Variants in DNAAF9 observed in about 807,000 individuals in gnomAD.
DNAAF9 encodes shulin.
DNAAF9 carries 90 observed loss-of-function variants against 167.0 expected under a neutral mutation model. That is an observed-to-expected ratio of 0.54 (90% CI 0.45 to 0.64). The LOEUF (loss-of-function observed/expected upper bound fraction) is 0.64, where lower values mean the gene tolerates loss of function less well. Ranked by LOEUF, DNAAF9 falls within the 30% of genes least tolerant of loss-of-function variation. The pLI, the probability that DNAAF9 is intolerant of heterozygous loss-of-function variation, is 0.00. For missense variants in DNAAF9, 1,315 were observed against 1,442.2 expected, an observed-to-expected ratio of 0.91 and a Z score of 1.43; for synonymous variants, 491 against 508.8, an observed-to-expected ratio of 0.96 and a Z score of 0.47.
At chr20:3,262,547 C>A (rs990405243) in intron 31 of DNAAF9, among the ~76,000 whole-genome samples, 2 of 152,166 alleles carry the variant, frequency 1.3e-5, no homozygotes, top group African/African-American at 4.8e-5. Context: ...CCACATCCGG[C>A]CAGATTCACA....
chr20:3,353,522 G>A (rs1600842901), intron 7 of DNAAF9, among the ~76,000 whole-genome samples: 1 of 151,984 alleles, frequency 6.6e-6, no homozygotes, highest in Admixed American at 6.6e-5. Flanking sequence ...CAGCCTCTAG[G>A]GAAGCTGAGG....
intron 1 of DNAAF9, among the ~76,000 whole-genome samples, chr20:3,385,031 A>G (rs1181925949): frequency 1.3e-5 from 2 of 152,142 alleles, no homozygotes; most frequent in Non-Finnish European, 2.9e-5. Flanking sequence ...AAACAGAAAA[A>G]AAGCCACTCA....
At chr20:3,357,451 G>A (rs906497249) in intron 7 of DNAAF9, among the ~76,000 whole-genome samples, 40 of 152,142 alleles carry the variant, frequency 2.6e-4, no homozygotes, top group African/African-American at 9.6e-4. Flanking sequence ...CAGCCTGGGC[G>A]ACAGAGTGAG....
intron 21 of DNAAF9, among the ~76,000 whole-genome samples, chr20:3,301,502 TA>T (rs1437735648): frequency 6.6e-6 from 1 of 152,072 alleles, no homozygotes; most frequent in Non-Finnish European, 1.5e-5. Flanking sequence ...ATCCTGTTTT[TA>T]AAACTTAATT....
At chr20:3,363,332 C>T (rs1229870390) in intron 6 of DNAAF9, among the ~76,000 whole-genome samples, 1 of 150,848 alleles carries the variant, frequency 6.6e-6, no homozygotes, top group East Asian at 1.9e-4. Flanking sequence ...GGCGTGGTGG[C>T]TCACACCTGT....
rs2122704838 is a variant in DNAAF9 at position 3,249,963 on chromosome 20, T to G, written c.*2609A>C. 6.6e-6 allele frequency: 1 copy of G among 152,324 alleles called. No homozygotes were observed. The allele number at this position is 152,324 out of a possible 1,614,324, so 9.4% of individuals were successfully genotyped here. ...CCCATTTCCTCCAATTTCTGTCTCC[T>G]TCTTCCAATCAAAAACAGAAAAATC... On this transcript the variant is annotated 3_prime_UTR_variant, in exon 37 of 37. Coordinates refer to ENST00000252032, the MANE Select transcript of DNAAF9 (RefSeq NM_001009984.3).
At chr20:3,397,223 G>T (rs779981677) in intron 1 of DNAAF9, among the ~76,000 whole-genome samples, 38 of 150,404 alleles carry the variant, frequency 2.5e-4, no homozygotes, top group Non-Finnish European at 5.2e-4. Flanking sequence ...CTCCAGCCTG[G>T]GTGACAAGAG....
intron 30 of DNAAF9, among the ~76,000 whole-genome samples, chr20:3,266,790 T>C (rs1434113823): frequency 6.6e-6 from 1 of 151,990 alleles, no homozygotes; most frequent in African/African-American, 2.4e-5. Flanking sequence ...TATTTTCTAG[T>C]TCTATCAAAC....
intron 36 of DNAAF9, among the ~76,000 whole-genome samples, chr20:3,253,306 C>T (rs545395796): frequency 3.3e-5 from 5 of 152,212 alleles, no homozygotes; most frequent in Admixed American, 1.3e-4. Context: ...CCGGGCACGG[C>T]GGCAGGCGCC....
At chr20:3,289,111 A>T (rs1035848533) in intron 26 of DNAAF9, among the ~76,000 whole-genome samples, 3 of 152,236 alleles carry the variant, frequency 2.0e-5, no homozygotes, top group Admixed American at 1.3e-4. Context: ...ACTTTGTAGA[A>T]TGAGGTGGGA....
At position 3,322,203 on chromosome 20, in the gene DNAAF9, A is replaced by G. The variant is rs1225698569; in HGVS notation, c.1356+14T>C. ...GCCATTCCCAGCCAGCTGACCCATG[A>G]TAGCTCTGCTTACCGTCTTCACAAA... On this transcript the variant is annotated intron_variant, in intron 16 of 36. Transcript: ENST00000252032. The G allele has an allele frequency of 1.2e-6, 2 of 1,601,600 alleles. No homozygotes were observed. The highest frequency in any genetic ancestry group is 1.7e-6 in the Non-Finnish European group (2 of 1,171,148).
intron 29 of DNAAF9, among the ~76,000 whole-genome samples, chr20:3,277,517 A>G (rs992154439): frequency 6.6e-6 from 1 of 152,006 alleles, no homozygotes; most frequent in Non-Finnish European, 1.5e-5. Context: ...TCCTGGACCT[A>G]TGTTTTCTCC....
At chr20:3,259,072 C>A (rs963977343) in intron 33 of DNAAF9, among the ~76,000 whole-genome samples, 1 of 152,166 alleles carries the variant, frequency 6.6e-6, no homozygotes, top group Non-Finnish European at 1.5e-5. Flanking sequence ...GAGGAGAAGG[C>A]AAACAGAAGC....
At chr20:3,357,308 G>A (rs1240080450) in intron 7 of DNAAF9, among the ~76,000 whole-genome samples, 1 of 151,824 alleles carries the variant, frequency 6.6e-6, no homozygotes, top group Non-Finnish European at 1.5e-5. Flanking sequence ...CCCATCTCCA[G>A]TAAAAATACA....
rs76292278 is a variant in DNAAF9, at chr20:3,381,808, T to C, written c.164-310A>G. On this transcript the variant is annotated intron_variant, in intron 2 of 36. Transcript: ENST00000252032. ...CTTAAGAATAGGGGTCAGAAAAATC[T>C]TCACCTTTCAAAGAGATCTTTACCA... 9.8e-3 allele frequency among the ~76,000 whole-genome samples: 1,494 copies of C among 152,306 alleles called. 33 individuals carry two copies. Among genetic ancestry groups the C allele is most frequent in the African/African-American group, 0.035 (1,438 of 41,570 alleles).
chr20:3,267,608 G>A (rs1380233371), intron 30 of DNAAF9, among the ~76,000 whole-genome samples: 1 of 152,024 alleles, frequency 6.6e-6, no homozygotes, highest in East Asian at 1.9e-4. Context: ...GCCGAGGTGG[G>A]TGGATCACTT....
chr20:3,323,255 G>A (rs1421999720), intron 14 of DNAAF9, among the ~76,000 whole-genome samples: 1 of 148,960 alleles, frequency 6.7e-6, no homozygotes, highest in African/African-American at 2.5e-5. Flanking sequence ...AGCAGTTTGA[G>A]GGTCCTCAGT....
intron 10 of DNAAF9, among the ~76,000 whole-genome samples, chr20:3,340,022 G>T (rs1196524466): frequency 6.6e-6 from 1 of 152,158 alleles, no homozygotes; most frequent in African/African-American, 2.4e-5. Flanking sequence ...TCATATTCAG[G>T]TCTAATGTTT....
chr20:3,270,947 G>GA (rs2068582939), intron 29 of DNAAF9, among the ~76,000 whole-genome samples: 1 of 151,760 alleles, frequency 6.6e-6, no homozygotes, highest in African/African-American at 2.4e-5. Context: ...TGAGTAGCAG[G>GA]AATTACAGGA....
Sources: allele counts gnomAD v4.1 joint callset (sites outside exome capture counted in the v4.1 genomes callset), GRCh38; gene constraint gnomAD v4.1.1; transcripts MANE v1.5; gene names NCBI Gene and HGNC (gene_info 2026-07-23, HGNC 2026-07-21).